Variants in KCNQ3 observed in about 807,000 individuals in gnomAD.
The protein encoded by KCNQ3 is potassium voltage-gated channel subfamily Q member 3, also known as potassium voltage-gated channel subfamily KQT member 3.
KCNQ3 carries 30 observed loss-of-function variants against 92.5 expected under a neutral mutation model. That is an observed-to-expected ratio of 0.32 (90% CI 0.24 to 0.44). The LOEUF (loss-of-function observed/expected upper bound fraction) is 0.44, where lower values mean the gene tolerates loss of function less well. KCNQ3 is among the 20% of genes least tolerant of loss of function. The pLI is 1.00. For missense variants in KCNQ3, 913 were observed against 1,140.3 expected (o/e 0.80, Z 2.87); for synonymous variants, 450 against 468.8 (o/e 0.96, Z 0.52).
intron 1 of KCNQ3, among the ~76,000 whole-genome samples, chr8:132,430,069 C>T (rs1177589090): frequency 6.6e-6 from 1 of 152,108 alleles, no homozygotes; most frequent in East Asian, 1.9e-4. Flanking sequence ...AGGGGTTGCC[C>T]TTTCCCTGAG....
At chr8:132,341,673 T>G (rs1023021648) in intron 1 of KCNQ3, among the ~76,000 whole-genome samples, 1 of 152,238 alleles carries the variant, frequency 6.6e-6, no homozygotes, top group African/African-American at 2.4e-5. Flanking sequence ...CTGGTTTCTC[T>G]GTCATAAACC....
At chr8:132,136,231 G>A (rs759045503) in intron 12 of KCNQ3, among the ~76,000 whole-genome samples, 1 of 150,594 alleles carries the variant, frequency 6.6e-6, no homozygotes, top group Non-Finnish European at 1.5e-5. Flanking sequence ...TGATGTTCCT[G>A]TTCTCTAGCA....
chr8:132,229,988 G>T (rs1563815116), intron 1 of KCNQ3, among the ~76,000 whole-genome samples: 1 of 152,132 alleles, frequency 6.6e-6, no homozygotes, highest in Non-Finnish European at 1.5e-5. Flanking sequence ...AGAAGGAAGG[G>T]CAGGATGGGG....
chr8:132,402,277 G>A (rs574490515), intron 1 of KCNQ3, among the ~76,000 whole-genome samples: 2 of 152,096 alleles, frequency 1.3e-5, no homozygotes, highest in East Asian at 3.9e-4. Flanking sequence ...TTGAGAACTG[G>A]CCCCCACTGC....
intron 1 of KCNQ3, among the ~76,000 whole-genome samples, chr8:132,192,659 T>C (rs1435493796): frequency 6.6e-6 from 1 of 152,200 alleles, no homozygotes; most frequent in Non-Finnish European, 1.5e-5. Context: ...TTGTTGTTTT[T>C]TTATTTTCAA....
Position 132,122,276 on chromosome 8 carries a change from G to A in KCNQ3, c.*6986C>T, listed in dbSNP as rs1265284861. The A allele has an allele frequency of 6.6e-6, 1 of 152,194 alleles. No homozygotes were observed. The highest frequency in any genetic ancestry group is 1.5e-5 in the Non-Finnish European group (1 of 68,032). The allele number at this position is 152,194 out of a possible 1,614,324, so 9.4% of individuals were successfully genotyped here. Reference sequence around the variant, plus strand: ...GAGGATTGCATGAACTTTAGAGAGAGCTATCATGTCACAAGCAACTCATAA... The same window carrying A: ...GAGGATTGCATGAACTTTAGAGAGAACTATCATGTCACAAGCAACTCATAA... On this transcript the variant is annotated 3_prime_UTR_variant, in exon 15 of 15. Coordinates refer to ENST00000388996, the MANE Select transcript of KCNQ3 (RefSeq NM_004519.4).
intron 1 of KCNQ3, among the ~76,000 whole-genome samples, chr8:132,322,097 G>A (rs905001397): frequency 1.3e-5 from 2 of 152,156 alleles, no homozygotes; most frequent in South Asian, 4.2e-4. Flanking sequence ...GAGATAAGAC[G>A]GTTAAGTCAT....
intron 1 of KCNQ3, among the ~76,000 whole-genome samples, chr8:132,303,292 C>T (rs1456295507): frequency 1.3e-5 from 2 of 151,804 alleles, no homozygotes; most frequent in Non-Finnish European, 2.9e-5. Flanking sequence ...TATGTGTCTC[C>T]CACAGTGACT....
At chr8:132,180,065 C>G in intron 4 of KCNQ3, 92 bp downstream of exon 4, 1 of 1,391,094 alleles carries the variant, frequency 7.2e-7, no homozygotes, top group Non-Finnish European at 1.0e-6. Flanking sequence ...GAATGACTGC[C>G]TTCTGGGGAC....
At chr8:132,223,254 T>A (rs1477330537) in intron 1 of KCNQ3, among the ~76,000 whole-genome samples, 1 of 152,072 alleles carries the variant, frequency 6.6e-6, no homozygotes, top group South Asian at 2.1e-4. Context: ...CTAATAAGAA[T>A]CTAATAATGT....
chr8:132,180,387 C>T, intron 3 of KCNQ3, 58 bp from the exon 4 acceptor site: 2 of 1,587,240 alleles, frequency 1.3e-6, no homozygotes. Flanking sequence ...CATGCGAAAG[C>T]AATGGCGTCA....
intron 1 of KCNQ3, among the ~76,000 whole-genome samples, chr8:132,357,920 G>A (rs1165687471): frequency 1.3e-5 from 2 of 152,198 alleles, no homozygotes; most frequent in Admixed American, 1.3e-4. Context: ...CTGGCGCAAA[G>A]AGCTCTGTCT....
At chr8:132,178,473 A>G (rs1248577740) in intron 4 of KCNQ3, among the ~76,000 whole-genome samples, 1 of 152,184 alleles carries the variant, frequency 6.6e-6, no homozygotes, top group Non-Finnish European at 1.5e-5. Flanking sequence ...CACTACTATT[A>G]ATGAGCACCT....
At chr8:132,242,265 A>C (rs1233122445) in intron 1 of KCNQ3, among the ~76,000 whole-genome samples, 1 of 152,200 alleles carries the variant, frequency 6.6e-6, no homozygotes, top group African/African-American at 2.4e-5. Context: ...CCTACTGTCC[A>C]TAGGACACTG....
intron 14 of KCNQ3, among the ~76,000 whole-genome samples, chr8:132,130,383 A>G (rs1227985631): frequency 6.6e-6 from 1 of 152,180 alleles, no homozygotes; most frequent in African/African-American, 2.4e-5. Flanking sequence ...GACCGGAAGG[A>G]AATATTCTAA....
chr8:132,335,281 C>T (rs549852409), intron 1 of KCNQ3, among the ~76,000 whole-genome samples: 92 of 152,116 alleles, frequency 6.0e-4, no homozygotes, highest in Non-Finnish European at 1.1e-3. Context: ...CATCATGATC[C>T]GCCTGCCTCA....
intron 1 of KCNQ3, among the ~76,000 whole-genome samples, chr8:132,279,406 A>C (rs78340158): frequency 6.6e-6 from 1 of 152,298 alleles, no homozygotes; most frequent in African/African-American, 2.4e-5. Flanking sequence ...ACATGGTAAG[A>C]TGTCAGTGGA....
At chr8:132,477,294 T>C (rs1822435913) in intron 1 of KCNQ3, among the ~76,000 whole-genome samples, 1 of 151,860 alleles carries the variant, frequency 6.6e-6, no homozygotes. Flanking sequence ...TCCTGTATTC[T>C]ACCTTTAGGA....
intron 1 of KCNQ3, among the ~76,000 whole-genome samples, chr8:132,317,732 G>A (rs1817782815): frequency 6.6e-6 from 1 of 152,060 alleles, no homozygotes; most frequent in South Asian, 2.1e-4. Flanking sequence ...TCCTCCCTCT[G>A]GTGACCCCCG....
Sources: allele counts gnomAD v4.1 joint callset (sites outside exome capture counted in the v4.1 genomes callset), GRCh38; gene constraint gnomAD v4.1.1; transcripts MANE v1.5; gene names NCBI Gene and HGNC (gene_info 2026-07-23, HGNC 2026-07-21).